Variants in SERINC5 observed in about 807,000 individuals in gnomAD.
SERINC5 encodes the protein chromosome 5 open reading frame 12.
A neutral mutation model predicts 63.1 loss-of-function variants in SERINC5; 41 were observed. The ratio of observed to expected loss-of-function variants is 0.65; its 90% CI spans 0.51 to 0.84. SERINC5 has a LOEUF of 0.84. Among genes scored for constraint, SERINC5 ranks in the 40% least tolerant of loss-of-function variants. The pLI, the probability that SERINC5 is intolerant of heterozygous loss-of-function variation, is 0.00. For missense variants in SERINC5, 523 were observed against 573.0 expected (o/e 0.91, Z 0.89); for synonymous variants, 222 against 215.2 (o/e 1.03, Z -0.28).
rs149401856 is a variant in SERINC5 at position 80,147,221 on chromosome 5, AAAG to A, written c.1093+21_1093+23del. 5,694 of 1,587,090 alleles carry A rather than the reference AAAG, an allele frequency of 3.6e-3. 172 individuals are homozygous for A. In the African/African-American group the frequency reaches 0.065, roughly 18 times the overall value. On this transcript the variant is annotated intron_variant, in intron 10 of 11. Transcript: ENST00000507668. ...TAGGTCTGCAGTGCCACACAGGTGCAAAGAATAAAAGCGCTCTGCTTACCCTCT... is the reference window on the plus strand; with the variant it reads ...TAGGTCTGCAGTGCCACACAGGTGCAAATAAAAGCGCTCTGCTTACCCTCT...
rs116930127 is a variant in SERINC5, at chr5:80,250,943, C to T, written c.27+4953G>A. 7.7e-4 allele frequency among the ~76,000 whole-genome samples: 111 copies of T among 144,650 alleles called. No individual in the cohort carries two copies. In the East Asian group the frequency reaches 0.02, roughly 27 times the overall value. 94.9% of individuals were successfully genotyped at this position (144,650 alleles called of 152,430 possible). A position where few individuals can be genotyped will look rare whatever the true frequency, so the allele number is the denominator to read the frequency against. On this transcript the variant is annotated intron_variant, in intron 1 of 11. Transcript: ENST00000507668. ...GAATGGAGCTCAGCTCTTTCCCCTA[C>T]AGTCAATAGTTACTGAATAAACGTG... is the stretch of plus-strand genomic sequence containing the variant.
chr5:80,237,832 G>C (rs931275080), intron 1 of SERINC5, among the ~76,000 whole-genome samples: 1 of 151,946 alleles, frequency 6.6e-6, no homozygotes, highest in African/African-American at 2.4e-5. Flanking sequence ...GGCCAGGCAC[G>C]GTGGCTCACG....
At chr5:80,118,333 A>C (rs936509786) in intron 11 of SERINC5, among the ~76,000 whole-genome samples, 1 of 152,148 alleles carries the variant, frequency 6.6e-6, no homozygotes, top group Admixed American at 6.5e-5. Flanking sequence ...CTTTTTGGGA[A>C]CCATCTATCT....
intron 2 of SERINC5, among the ~76,000 whole-genome samples, chr5:80,186,256 C>T (rs1340881979): frequency 6.6e-6 from 1 of 151,972 alleles, no homozygotes; most frequent in African/African-American, 2.4e-5. Context: ...CCTGCCTCAG[C>T]CTCCCGAGTA....
chr5:80,251,941 T>C (rs531810129), intron 1 of SERINC5, among the ~76,000 whole-genome samples: 81 of 51,262 alleles, frequency 1.6e-3, no homozygotes, highest in Middle Eastern at 9.4e-3. Context: ...TATACTTGCC[T>C]GCAGCAAGCC....
At chr5:80,143,950 C>T in intron 11 of SERINC5, 140 bp from the exon 12 acceptor site, 3 of 1,012,266 alleles carry the variant, frequency 3.0e-6, no homozygotes, top group Non-Finnish European at 4.3e-6. Context: ...TCAACACTAC[C>T]CATTTCCAAA....
At chr5:80,166,279 GCTCT>G in intron 7 of SERINC5, 100 bp downstream of exon 7, 1 of 791,352 alleles carries the variant, frequency 1.3e-6, no homozygotes, top group Non-Finnish European at 2.1e-6. Context: ...CCATCTTTCT[GCTCT>G]CTATCTCCAA....
intron 7 of SERINC5, among the ~76,000 whole-genome samples, chr5:80,162,334 A>T (rs1439027770): frequency 1.3e-5 from 2 of 152,138 alleles, no homozygotes; most frequent in African/African-American, 4.8e-5. Context: ...TATTCTCCTG[A>T]TCCATGAGCA....
At chr5:80,207,294 C>T (rs1234492571) in intron 1 of SERINC5, among the ~76,000 whole-genome samples, 1 of 152,164 alleles carries the variant, frequency 6.6e-6, no homozygotes, top group Non-Finnish European at 1.5e-5. Flanking sequence ...CCATGGTGCC[C>T]AGCAACCTCT....
At chr5:80,241,891 G>A (rs1249283765) in intron 1 of SERINC5, among the ~76,000 whole-genome samples, 2 of 152,048 alleles carry the variant, frequency 1.3e-5, no homozygotes, top group Non-Finnish European at 2.9e-5. Context: ...GGGAGGCCAA[G>A]GCAGGAGGAT....
intron 1 of SERINC5, among the ~76,000 whole-genome samples, chr5:80,204,929 T>C (rs1423829801): frequency 1.3e-5 from 2 of 152,166 alleles, no homozygotes; most frequent in African/African-American, 2.4e-5. Context: ...CTTTTGTTCT[T>C]TGTGTGATTA....
intron 7 of SERINC5, among the ~76,000 whole-genome samples, chr5:80,161,371 C>A (rs1287104890): frequency 6.7e-6 from 1 of 149,166 alleles, no homozygotes; most frequent in Non-Finnish European, 1.5e-5. Flanking sequence ...TACTTTTTGT[C>A]TTTTTAATAA....
At chr5:80,112,486 G>C (rs1184843908) in intron 12 of SERINC5, among the ~76,000 whole-genome samples, 1 of 152,080 alleles carries the variant, frequency 6.6e-6, no homozygotes, top group Non-Finnish European at 1.5e-5. Context: ...AATACTGAGG[G>C]AACTCAGAGA....
At chr5:80,157,098 T>A (rs1746589348) in intron 8 of SERINC5, 1 of 148,882 alleles carries the variant, frequency 6.7e-6, no homozygotes, top group Non-Finnish European at 1.5e-5. Flanking sequence ...GTTCAAGCAA[T>A]TCTCCAGCCT....
chr5:80,177,307 A>G lies in SERINC5; in HGVS notation c.457+8T>C. On this transcript the variant is annotated splice_region_variant and intron_variant, in intron 4 of 11. Transcript: ENST00000507668. ...AATAAACAGATACCCAAAATACCCC[A>G]TTAGTACCGTTCAGAAAGGTGTCCT... The G allele has an allele frequency of 6.2e-7, 1 of 1,603,596 alleles. No individual in the cohort carries two copies.
At chr5:80,150,661 C>T (rs1746117761) in intron 9 of SERINC5, among the ~76,000 whole-genome samples, 1 of 152,198 alleles carries the variant, frequency 6.6e-6, no homozygotes, top group African/African-American at 2.4e-5. Flanking sequence ...GTCTTGAACT[C>T]CTGACCTCAG....
At chr5:80,217,328 G>A (rs575943354) in intron 1 of SERINC5, among the ~76,000 whole-genome samples, 14 of 152,292 alleles carry the variant, frequency 9.2e-5, no homozygotes, top group Middle Eastern at 3.4e-3. Flanking sequence ...AGATTATGCT[G>A]CAAGGGAGAA....
At chr5:80,218,624 G>A (rs909535246) in intron 1 of SERINC5, among the ~76,000 whole-genome samples, 61 of 150,482 alleles carry the variant, frequency 4.1e-4, no homozygotes, top group African/African-American at 1.3e-3. Flanking sequence ...GCAGTGAGCC[G>A]AGATCACGCC....
chr5:80,141,153 A>C lies in SERINC5; in HGVS notation c.*2510T>G. ...AGTCCCTCAATCCTCAGATACATCCACATCTGTTTTGTTCATCCAGATACA... is the reference window on the plus strand; with the variant it reads ...AGTCCCTCAATCCTCAGATACATCCCCATCTGTTTTGTTCATCCAGATACA... On this transcript the variant is annotated 3_prime_UTR_variant, in exon 12 of 12. Transcript: ENST00000507668. 1.0e-6 allele frequency: 1 copy of C among 985,248 alleles called. No individual in the cohort carries two copies. Among genetic ancestry groups the C allele is most frequent in the South Asian group, 4.7e-5 (1 of 21,288 alleles). The allele number at this position is 985,248 out of a possible 1,614,324, so 61.0% of individuals were successfully genotyped here.
Sources: allele counts gnomAD v4.1 joint callset (sites outside exome capture counted in the v4.1 genomes callset), GRCh38; gene constraint gnomAD v4.1.1; transcripts MANE v1.5; gene names NCBI Gene and HGNC (gene_info 2026-07-23, HGNC 2026-07-21).